The following DOCK8 variants were observed in gnomAD, a reference collection of about 807,000 sequenced individuals.
The protein encoded by DOCK8 is dedicator of cytokinesis protein 8.
DOCK8 carries 141 observed loss-of-function variants against 245.6 expected under a neutral mutation model. The observed-to-expected ratio is 0.57, with a 90% CI of 0.50 to 0.66. The LOEUF (loss-of-function observed/expected upper bound fraction) is 0.66. DOCK8 is among the 30% of genes least tolerant of loss of function. DOCK8 has a pLI of 0.00. For missense variants in DOCK8, 2,965 were observed against 2,603.4 expected (o/e 1.14, Z -3.02); for synonymous variants, 1,168 against 970.2 (o/e 1.20, Z -3.79).
intron 4 of DOCK8, among the ~76,000 whole-genome samples, chr9:299,788 G>T (rs941653005): frequency 6.6e-6 from 1 of 151,732 alleles, no homozygotes; most frequent in Non-Finnish European, 1.5e-5. Context: ...TTGGGAGGCC[G>T]AGGCAGGCAG....
intron 39 of DOCK8, among the ~76,000 whole-genome samples, chr9:435,370 A>T (rs988954528): frequency 6.6e-6 from 1 of 150,666 alleles, no homozygotes; most frequent in African/African-American, 2.5e-5. Flanking sequence ...GCATGGCTTC[A>T]TTTGAACCTC....
chr9:216,493 T>C (rs2484966), intron 1 of DOCK8, among the ~76,000 whole-genome samples: 79,196 of 146,172 alleles, frequency 0.54, 21,715 homozygotes, highest in East Asian at 0.75. Context: ...TGCCACTGCA[T>C]TCCAGCCTGG....
intron 1 of DOCK8, among the ~76,000 whole-genome samples, chr9:240,676 T>G (rs1443217200): frequency 6.6e-6 from 1 of 152,184 alleles, no homozygotes; most frequent in African/African-American, 2.4e-5. Context: ...ATTAATTAAT[T>G]CATCCATTCA....
chr9:291,278 C>T (rs945914565), intron 4 of DOCK8, among the ~76,000 whole-genome samples: 37 of 152,140 alleles, frequency 2.4e-4, no homozygotes, highest in African/African-American at 8.9e-4. Context: ...TTTTCTTGAT[C>T]TTGCACAAAT....
chr9:216,793 G>A (rs956369858), intron 1 of DOCK8, among the ~76,000 whole-genome samples: 1 of 152,122 alleles, frequency 6.6e-6, no homozygotes, highest in African/African-American at 2.4e-5. Context: ...GTTGGGCAGG[G>A]TTGATCTGGG....
intron 6 of DOCK8, among the ~76,000 whole-genome samples, chr9:316,374 G>T (rs1239421045): frequency 6.6e-6 from 1 of 152,194 alleles, no homozygotes; most frequent in Non-Finnish European, 1.5e-5. Flanking sequence ...GGTTACAATA[G>T]GGGCTTGATA....
At chr9:305,918 G>A (rs113234473) in intron 5 of DOCK8, among the ~76,000 whole-genome samples, 104 of 152,198 alleles carry the variant, frequency 6.8e-4, no homozygotes, top group Non-Finnish European at 1.0e-3. Context: ...AAATGTGGTC[G>A]CCAGGGGCTG....
At chr9:333,397 T>G (rs142317576) in intron 10 of DOCK8, among the ~76,000 whole-genome samples, 3,525 of 152,210 alleles carry the variant, frequency 0.023, 120 homozygotes, top group African/African-American at 0.077. Flanking sequence ...GTCAGAAGAT[T>G]GAGACCATCC....
intron 5 of DOCK8, among the ~76,000 whole-genome samples, chr9:306,039 G>GT (rs2049812347): frequency 6.6e-6 from 1 of 152,180 alleles, no homozygotes; most frequent in Non-Finnish European, 1.5e-5. Flanking sequence ...GTGTGAATGT[G>GT]TTTAACACTA....
At chr9:310,203 G>T (rs977336919) in intron 5 of DOCK8, among the ~76,000 whole-genome samples, 1 of 151,820 alleles carries the variant, frequency 6.6e-6, no homozygotes, top group Non-Finnish European at 1.5e-5. Context: ...GGAGGCAGAG[G>T]CAGCAGTGAG....
Position 422,135 on chromosome 9 carries a change from A to G in DOCK8, c.4241A>G (p.Lys1414Arg), listed in dbSNP as rs781516473. The G allele has an allele frequency of 1.9e-6, 3 of 1,613,830 alleles. No homozygotes were observed. The highest frequency in any genetic ancestry group is 1.7e-6 in the Non-Finnish European group (2 of 1,179,874). ...CGGCAAGCTAATGAGAAGCTAGATA[A>G]GTGAGTCACTCGGCAACTTTCTGCT... ...HWRQANEKLDKTKAELDQEAL... is the reference protein window; with the variant it reads ...HWRQANEKLDRTKAELDQEAL... Residue 1414 changes from lysine (K) to arginine (R), a missense_variant and splice_region_variant, in exon 33 of 48, where the codon AAA becomes AGA. This residue lies in a region of DOCK8 where 2,825 missense variants were observed against 2,453.5 expected (regional missense o/e 1.15). Coordinates refer to ENST00000432829, the MANE Select transcript of DOCK8 (RefSeq NM_203447.4).
intron 24 of DOCK8, among the ~76,000 whole-genome samples, chr9:392,742 G>A (rs1273686488): frequency 6.6e-6 from 1 of 152,082 alleles, no homozygotes; most frequent in Non-Finnish European, 1.5e-5. Flanking sequence ...TTAACAATGA[G>A]ACATGAGCTC....
At chr9:303,232 T>G (rs1340141550) in intron 4 of DOCK8, among the ~76,000 whole-genome samples, 2 of 151,944 alleles carry the variant, frequency 1.3e-5, no homozygotes, top group African/African-American at 4.8e-5. Context: ...TGTGAAGATT[T>G]CTGAAAGAAC....
chr9:320,207 A>G (rs1424008092), intron 7 of DOCK8, among the ~76,000 whole-genome samples: 1,115 of 45,448 alleles, frequency 0.025, 9 homozygotes, highest in African/African-American at 0.027. Context: ...GCTGGGCTCA[A>G]AACCTGACCG....
intron 14 of DOCK8, among the ~76,000 whole-genome samples, chr9:349,183 G>A (rs2052042520): frequency 1.3e-5 from 2 of 152,214 alleles, no homozygotes; most frequent in African/African-American, 4.8e-5. Flanking sequence ...AAAGGACTGT[G>A]TTTTGACAGC....
At chr9:384,088 C>G (rs187292650) in intron 22 of DOCK8, among the ~76,000 whole-genome samples, 1 of 152,144 alleles carries the variant, frequency 6.6e-6, no homozygotes, top group East Asian at 1.9e-4. Context: ...ATAGGCTCCT[C>G]TTGCTGGAAA....
At chr9:215,751 A>T (rs1053663004) in intron 1 of DOCK8, 1 of 232,278 alleles carries the variant, frequency 4.3e-6, no homozygotes, top group Non-Finnish European at 9.0e-6. Context: ...TGCACAAACT[A>T]AATATGTAAG....
intron 2 of DOCK8, among the ~76,000 whole-genome samples, chr9:276,033 G>A (rs569623808): frequency 1.3e-5 from 2 of 152,164 alleles, no homozygotes; most frequent in South Asian, 2.1e-4. Flanking sequence ...TGGGATTACA[G>A]GCAGCTGCCG....
intron 6 of DOCK8, among the ~76,000 whole-genome samples, chr9:313,899 C>A (rs2050235075): frequency 1.3e-5 from 2 of 152,156 alleles, no homozygotes; most frequent in Admixed American, 6.5e-5. Context: ...CAAAACATGA[C>A]ACTGTACCCC....
Sources: gnomAD v4.1 joint callset for allele counts (sites outside exome capture counted in the v4.1 genomes callset) on GRCh38, gnomAD v4.1.1 for gene constraint, gnomAD v4.1.1 regional missense constraint, MANE v1.5 for transcripts, NCBI Gene and HGNC (gene_info 2026-07-23, HGNC 2026-07-21) for gene names.